PPP1R36: variants seen among roughly 807,000 people sequenced by gnomAD.
The protein encoded by PPP1R36 is chromosome 14 open reading frame 50.
In PPP1R36, 47 loss-of-function variants were observed where a neutral mutation model predicts 53.4. The ratio of observed to expected loss-of-function variants is 0.88; its 90% CI spans 0.70 to 1.12. The LOEUF (loss-of-function observed/expected upper bound fraction) is 1.12. Among genes scored for constraint, PPP1R36 ranks in the 50% most tolerant of loss-of-function variants. PPP1R36 has a pLI of 0.00. For synonymous variants in PPP1R36, 153 were observed against 170.5 expected, an observed-to-expected ratio of 0.90 and a Z score of 0.80; for missense variants, 456 against 513.9, an observed-to-expected ratio of 0.89 and a Z score of 1.09.
chr14:64,552,468 G>A lies in PPP1R36; in HGVS notation c.135-346G>A, dbSNP rs561919063. ...TGAGCCACTGCGCTCCAGCCTGGGC[G>A]ACAGAGAGAGACTCCATCTCAAAAA... On this transcript the variant is annotated intron_variant, in intron 2 of 11. Coordinates refer to ENST00000298705, the MANE Select transcript of PPP1R36 (RefSeq NM_172365.3). Among the ~76,000 whole-genome samples the A allele has an allele frequency of 4.6e-5, 7 of 152,094 alleles. No homozygotes were observed. In the East Asian group the frequency reaches 1.4e-3, roughly 29 times the overall value.
chr14:64,587,017 T>A lies in PPP1R36; in HGVS notation c.711+138T>A. On this transcript the variant is annotated intron_variant, in intron 9 of 11. Coordinates refer to ENST00000298705, the MANE Select transcript of PPP1R36 (RefSeq NM_172365.3). ...AACAAGCTATATGCTATACCTTAAA[T>A]TGTTGGTCTGATTTTCCTCATGCAA... is the stretch of plus-strand genomic sequence containing the variant. 3 of 805,592 alleles carry A rather than the reference T, an allele frequency of 3.7e-6. No homozygotes were observed. The South Asian group carries it at 5.4e-5, about 15-fold the overall frequency. The allele number at this position is 805,592 out of a possible 1,614,324, so 49.9% of individuals were successfully genotyped here.
chr14:64,560,103 CAAAAAAAAAA>C (rs1171697200), intron 3 of PPP1R36, among the ~76,000 whole-genome samples: 372 of 27,466 alleles, frequency 0.014, 2 homozygotes, highest in Non-Finnish European at 0.021. Context: ...GAATCTGTCA[CAAAAAAAAAA>C]AAAAAAAAAA....
chr14:64,576,709 G>A (rs1403470311), intron 8 of PPP1R36, among the ~76,000 whole-genome samples: 1 of 152,116 alleles, frequency 6.6e-6, no homozygotes, highest in Non-Finnish European at 1.5e-5. Context: ...TCTGTGATTT[G>A]ATTCACCATG....
Position 64,589,362 on chromosome 14 carries a change from T to G in PPP1R36, c.*24T>G. 1 of 1,513,690 alleles carries G rather than the reference T, an allele frequency of 6.6e-7. No individual in the cohort carries two copies. The highest frequency in any genetic ancestry group is 9.0e-7 in the Non-Finnish European group (1 of 1,109,812). 93.8% of individuals were successfully genotyped at this position (1,513,690 alleles called of 1,614,324 possible). A position where few individuals can be genotyped will look rare whatever the true frequency, so the allele number is the denominator to read the frequency against. ...AACCTGGTACATTCCATATCTCAAG[T>G]AAACTACTTTGACTTTATAGAAGAT... On this transcript the variant is annotated 3_prime_UTR_variant, in exon 12 of 12. Transcript: ENST00000298705.
In PPP1R36 at chr14:64,564,833, G is replaced by A; in HGVS notation, c.265G>A (p.Asp89Asn). The change falls in exon 4 of 12, where the codon GAC (aspartate) becomes AAC (asparagine). Residue 89 changes from aspartate to asparagine, a missense_variant. By Grantham distance (23) the Asp-to-Asn change is conservative. Coordinates refer to ENST00000298705, the MANE Select transcript of PPP1R36 (RefSeq NM_172365.3). Reference sequence around the variant, plus strand: ...TGCAGAAACTGATGGTCCAGCTTCAGACAGGTAGATTAACTTCCCAATCAT... The same window carrying A: ...TGCAGAAACTGATGGTCCAGCTTCAAACAGGTAGATTAACTTCCCAATCAT... ...HFAETDGPAS[D>N]RLTDKRLAAK... is the part of the protein sequence containing the mutation. 6.2e-7 allele frequency: 1 copy of A among 1,600,466 alleles called. No individual in the cohort carries two copies. Among genetic ancestry groups the A allele is most frequent in the Non-Finnish European group, 8.5e-7 (1 of 1,173,862 alleles).
intron 1 of PPP1R36, chr14:64,550,364 A>C: frequency 6.1e-6 from 6 of 984,774 alleles, no homozygotes; most frequent in Non-Finnish European, 7.9e-6. Flanking sequence ...ACTGCGGGGG[A>C]AGCAGCCCCG....
At chr14:64,562,105 T>C (rs748718830) in intron 3 of PPP1R36, 11 of 222,180 alleles carry the variant, frequency 5.0e-5, no homozygotes, top group Non-Finnish European at 7.3e-5. Context: ...AGTAGGAGGG[T>C]ATAGGCTAGC....
At position 64,574,470 on chromosome 14, in the gene PPP1R36, A is replaced by G; in HGVS notation, c.549A>G (p.Lys183=). 1 of 1,613,348 alleles carries G rather than the reference A, an allele frequency of 6.2e-7. No individual in the cohort carries two copies. Among genetic ancestry groups the G allele is most frequent in the Non-Finnish European group, 8.5e-7 (1 of 1,179,796 alleles). ...TCCCCATCAGAGGCCTTGTAGAGAAAAAAGAAATGGAATTGGTTTTAAGTG... is the reference window on the plus strand; with the variant it reads ...TCCCCATCAGAGGCCTTGTAGAGAAGAAAGAAATGGAATTGGTTTTAAGTG... ...PKSYMVGLVE[K]KEMELVLSEL... Residue 183 remains lysine, a synonymous_variant, in exon 8 of 12, where the codon AAA becomes AAG. Transcript: ENST00000298705.
chr14:64,587,086 G>A, intron 9 of PPP1R36, 108 bp from the exon 10 acceptor site: 1 of 922,192 alleles, frequency 1.1e-6, no homozygotes, highest in Admixed American at 2.7e-5. Context: ...GGAATATTGG[G>A]AAATTGGGTC....
At position 64,565,380 on chromosome 14, in the gene PPP1R36, C is replaced by CA. The variant is rs1193854732; in HGVS notation, c.297dup (p.Asp100ArgfsTer2). The CA allele has an allele frequency of 6.2e-7, 1 of 1,612,794 alleles. No individual in the cohort carries two copies. The highest frequency in any genetic ancestry group is 1.3e-5 in the African/African-American group (1 of 74,838). ...AGGTTGACAGATAAAAGACTTGCTG[C>CA]AAAAGATGATAAGTCAGCTAAAGCT... On this transcript the variant is annotated frameshift_variant, in exon 5 of 12. Coordinates refer to ENST00000298705, the MANE Select transcript of PPP1R36 (RefSeq NM_172365.3). LOFTEE classifies it high-confidence loss of function.
intron 8 of PPP1R36, among the ~76,000 whole-genome samples, chr14:64,583,865 C>T (rs2080409614): frequency 1.4e-5 from 2 of 144,864 alleles, no homozygotes; most frequent in African/African-American, 5.0e-5. Context: ...TATGGCAACT[C>T]GAGGGAAAGT....
At chr14:64,582,333 G>A (rs1231449902) in intron 8 of PPP1R36, among the ~76,000 whole-genome samples, 1 of 152,148 alleles carries the variant, frequency 6.6e-6, no homozygotes, top group Non-Finnish European at 1.5e-5. Context: ...TTTCCCTTTA[G>A]GAATGACAAA....
intron 8 of PPP1R36, among the ~76,000 whole-genome samples, chr14:64,585,240 G>A (rs1176162069): frequency 1.3e-5 from 2 of 152,232 alleles, no homozygotes; most frequent in African/African-American, 4.8e-5. Flanking sequence ...AGCAGGCCGG[G>A]CACCTTGGCT....
At chr14:64,575,455 C>T (rs975458301) in intron 8 of PPP1R36, among the ~76,000 whole-genome samples, 12 of 152,088 alleles carry the variant, frequency 7.9e-5, no homozygotes, top group Non-Finnish European at 1.8e-4. Context: ...TACATATTTG[C>T]TTAACCATTC....
chr14:64,582,832 C>T (rs770266998), intron 8 of PPP1R36, among the ~76,000 whole-genome samples: 2 of 151,510 alleles, frequency 1.3e-5, no homozygotes, highest in African/African-American at 4.8e-5. Flanking sequence ...TATTTGCAGA[C>T]GATTCTGGGA....
At chr14:64,583,460 A>C (rs934615360) in intron 8 of PPP1R36, among the ~76,000 whole-genome samples, 6 of 152,128 alleles carry the variant, frequency 3.9e-5, no homozygotes, top group African/African-American at 1.4e-4. Context: ...GAAGAAACCC[A>C]TGACATTCTG....
At chr14:64,565,537 A>T in intron 5 of PPP1R36, 83 bp downstream of exon 5, 1 of 1,416,184 alleles carries the variant, frequency 7.1e-7, no homozygotes, top group Non-Finnish European at 1.0e-6. Flanking sequence ...CCGCCCATCT[A>T]CATATAACAT....
At chr14:64,552,923 T>A in intron 3 of PPP1R36, 62 bp downstream of exon 3, 1 of 1,424,932 alleles carries the variant, frequency 7.0e-7, no homozygotes, top group Non-Finnish European at 9.8e-7. Context: ...GTTACAGAAG[T>A]CAAAATACAT....
At chr14:64,577,224 T>A (rs1442432032) in intron 8 of PPP1R36, among the ~76,000 whole-genome samples, 1 of 152,166 alleles carries the variant, frequency 6.6e-6, no homozygotes, top group East Asian at 1.9e-4. Flanking sequence ...GCATACGGGC[T>A]CTATGTCCGT....
Sources: gnomAD v4.1 joint callset for allele counts (sites outside exome capture counted in the v4.1 genomes callset) on GRCh38, gnomAD v4.1.1 for gene constraint, MANE v1.5 for transcripts, NCBI Gene and HGNC (gene_info 2026-07-23, HGNC 2026-07-21) for gene names.